MYOM1: variants seen among roughly 807,000 people sequenced by gnomAD.
MYOM1 encodes myomesin-1.
A neutral mutation model predicts 205.3 loss-of-function variants in MYOM1; 164 were observed. The observed-to-expected ratio is 0.80, with a 90% CI of 0.70 to 0.91. The LOEUF (loss-of-function observed/expected upper bound fraction) is 0.91. MYOM1 is among the 40% of genes least tolerant of loss of function. MYOM1 has a pLI of 0.00. For missense variants in MYOM1, 2,011 were observed against 2,127.3 expected, an observed-to-expected ratio of 0.95 and a Z score of 1.08; for synonymous variants, 772 against 789.4, an observed-to-expected ratio of 0.98 and a Z score of 0.37.
the MYOM1 span, among the ~76,000 whole-genome samples, chr18:3,235,451 A>C: frequency 2.0e-5 from 3 of 152,324 alleles, no homozygotes; most frequent in East Asian, 5.8e-4. Flanking sequence ...CCCATACTTA[A>C]AATGTATGCA....
chr18:3,164,275 T>TA lies in MYOM1; in HGVS notation c.1501+2dup. On this transcript the variant is annotated splice_region_variant and intron_variant, in intron 10 of 37. Transcript: ENST00000356443. ...AGGTGTTTTGTTTTTTGCTAGGACT[T>TA]ACCTCGAACAAAGACATAAGCACTA... 6.2e-7 allele frequency: 1 copy of TA among 1,612,326 alleles called. No individual in the cohort carries two copies. The highest frequency in any genetic ancestry group is 8.5e-7 in the Non-Finnish European group (1 of 1,179,088).
chr18:3,224,028 AT>A (rs550455569), upstream of MYOM1, among the ~76,000 whole-genome samples: 5,703 of 138,534 alleles, frequency 0.041, 151 homozygotes, highest in African/African-American at 0.1. Context: ...CTAACATTAG[AT>A]TTTTTTTTTT....
intron 2 of MYOM1, among the ~76,000 whole-genome samples, chr18:3,203,778 T>C (rs933236505): frequency 5.3e-5 from 8 of 151,728 alleles, no homozygotes; most frequent in African/African-American, 1.9e-4. Context: ...CAACTCATTC[T>C]ACAAGGTCAG....
intron 2 of MYOM1, among the ~76,000 whole-genome samples, chr18:3,205,751 A>C (rs2081116885): frequency 6.6e-6 from 1 of 152,182 alleles, no homozygotes; most frequent in South Asian, 2.1e-4. Context: ...TTATTGAACA[A>C]TCTCCTTGTT....
chr18:3,146,922 C>T (rs1267530281), intron 13 of MYOM1, among the ~76,000 whole-genome samples: 1 of 151,136 alleles, frequency 6.6e-6, no homozygotes, highest in Non-Finnish European at 1.5e-5. Flanking sequence ...ATTAGTTCAG[C>T]AAGGATGCAG....
chr18:3,142,167 C>T, intron 13 of MYOM1, 104 bp from the exon 14 acceptor site: 1 of 1,353,736 alleles, frequency 7.4e-7, no homozygotes, highest in Non-Finnish European at 1.0e-6. Context: ...TTAATTATGT[C>T]TCCACAGTTT....
intron 18 of MYOM1, among the ~76,000 whole-genome samples, chr18:3,128,768 T>A (rs939871219): frequency 6.6e-6 from 1 of 152,236 alleles, no homozygotes; most frequent in African/African-American, 2.4e-5. Flanking sequence ...ATGTGAATAA[T>A]CGCTTAATAA....
chr18:3,181,732 ATTTTTTT>A (rs11448786), intron 5 of MYOM1, among the ~76,000 whole-genome samples: 1 of 127,086 alleles, frequency 7.9e-6, no homozygotes. Context: ...AAACTGAATA[ATTTTTTT>A]TTTTTTTTTT....
At chr18:3,149,349 T>C (rs1473282845) in intron 12 of MYOM1, 148 bp from the exon 13 acceptor site, 2 of 621,870 alleles carry the variant, frequency 3.2e-6, no homozygotes, top group South Asian at 2.1e-5. Flanking sequence ...GTATCAATCA[T>C]GTAGAGGGCA....
At chr18:3,085,938 TC>T in intron 30 of MYOM1, 99 bp downstream of exon 30, 1 of 693,562 alleles carries the variant, frequency 1.4e-6, no homozygotes, top group South Asian at 2.0e-5. Context: ...CTAATATAAA[TC>T]CCCTGGTCAT....
chr18:3,170,489 T>A (rs2080541192), intron 8 of MYOM1, among the ~76,000 whole-genome samples: 2 of 152,204 alleles, frequency 1.3e-5, no homozygotes, highest in African/African-American at 4.8e-5. Flanking sequence ...TCTTTAATGA[T>A]CTGAGTGATA....
intron 21 of MYOM1, among the ~76,000 whole-genome samples, chr18:3,113,503 C>G: frequency 3.1e-5 from 1 of 32,412 alleles, no homozygotes; most frequent in South Asian, 1.5e-3. Context: ...TACCTAAAAA[C>G]AATTTTTTTT....
chr18:3,135,306 T>G lies in MYOM1; in HGVS notation c.2209+241A>C, dbSNP rs1598709388. 1 of 421,330 alleles carries G rather than the reference T, an allele frequency of 2.4e-6. No individual in the cohort carries two copies. The highest frequency in any genetic ancestry group is 4.1e-5 in the East Asian group (1 of 24,376). The allele number at this position is 421,330 out of a possible 1,614,324, so 26.1% of individuals were successfully genotyped here. A position where few individuals can be genotyped will look rare whatever the true frequency, so the allele number is the denominator to read the frequency against. On this transcript the variant is annotated intron_variant, in intron 15 of 37. Transcript: ENST00000356443. This position sits in a 1 kb window ranked among gnomAD's most constrained non-coding sequence, Gnocchi z 4.1. ...AAACAGTTAGGGAGCATGGATAAAC[T>G]AAATGTCCATGAACTTCAGAAAAAA...
chr18:3,203,803 A>G (rs2081096671), intron 2 of MYOM1, among the ~76,000 whole-genome samples: 1 of 151,692 alleles, frequency 6.6e-6, no homozygotes, highest in Admixed American at 6.6e-5. Flanking sequence ...ACATGATATC[A>G]AAGCAAACAA....
chr18:3,109,989 A>G (rs2079503009), intron 22 of MYOM1, among the ~76,000 whole-genome samples: 1 of 152,114 alleles, frequency 6.6e-6, no homozygotes, highest in Non-Finnish European at 1.5e-5. Context: ...CAGGACTAAA[A>G]TGAACTATTT....
chr18:3,215,320 C>A (rs1258753850), intron 1 of MYOM1, 69 bp from the exon 2 acceptor site: 1 of 1,232,200 alleles, frequency 8.1e-7, no homozygotes, highest in Non-Finnish European at 1.1e-6. Context: ...TCATCTAAAT[C>A]AATGTGTAAA....
chr18:3,167,538 C>T (rs761513775), intron 9 of MYOM1, among the ~76,000 whole-genome samples: 15 of 152,138 alleles, frequency 9.9e-5, no homozygotes, highest in Non-Finnish European at 2.1e-4. Flanking sequence ...TGTGCGCCAC[C>T]ACGCCCGGCT....
At chr18:3,084,384 C>T (rs951687159) in intron 31 of MYOM1, among the ~76,000 whole-genome samples, 2 of 150,524 alleles carry the variant, frequency 1.3e-5, no homozygotes, top group African/African-American at 5.0e-5. Flanking sequence ...TTTTCTTAGC[C>T]GTGTCATCGA....
At chr18:3,241,625 C>A in the MYOM1 span, among the ~76,000 whole-genome samples, 1 of 152,194 alleles carries the variant, frequency 6.6e-6, no homozygotes, top group East Asian at 1.9e-4. Context: ...GTGGGAGACC[C>A]AACACAGACT....
Sources: gnomAD v4.1 joint callset for allele counts (sites outside exome capture counted in the v4.1 genomes callset) on GRCh38, gnomAD v4.1.1 for gene constraint, Gnocchi (gnomAD v3.1) non-coding constraint, MANE v1.5 for transcripts, NCBI Gene and HGNC (gene_info 2026-07-23, HGNC 2026-07-21) for gene names.